MYO1H: variants seen among roughly 807,000 people sequenced by gnomAD.
MYO1H encodes the protein unconventional myosin-Ih.
Under a neutral mutation model 149.3 loss-of-function variants are expected in MYO1H, and 118 were observed. That is an observed-to-expected ratio of 0.79 (90% confidence interval 0.68 to 0.92). The LOEUF (loss-of-function observed/expected upper bound fraction) is 0.92. Ranked by LOEUF, MYO1H falls within the 40% of genes least tolerant of loss-of-function variation. The probability of loss-of-function intolerance (pLI) is 0.00; values close to 1 mark genes in which losing one functional copy is unlikely to be tolerated. For synonymous variants in MYO1H, 447 were observed against 465.2 expected (o/e 0.96, Z 0.50); for missense variants, 1,212 against 1,280.7 (o/e 0.95, Z 0.82).
At position 109,350,352 on chromosome 12, in the gene MYO1H, G is replaced by A. The variant is rs11066361; in HGVS notation, c.12+2380G>A. On this transcript the variant is annotated intron_variant, in intron 1 of 31. Coordinates refer to ENST00000310903, the Ensembl canonical transcript of MYO1H. ...TTCCCTCGTGTTGTGGGAGGGACCC[G>A]GTGGGAGATTATCGAATCATGGGGG... is the stretch of plus-strand genomic sequence containing the variant. 7.0e-3 allele frequency among the ~76,000 whole-genome samples: 1,068 copies of A among 152,222 alleles called. 12 individuals carry two copies. The highest frequency in any genetic ancestry group is 0.011 in the Non-Finnish European group (779 of 68,014).
At chr12:109,377,839 T>C (rs904164098) in intron 1 of MYO1H, among the ~76,000 whole-genome samples, 1 of 152,230 alleles carries the variant, frequency 6.6e-6, no homozygotes, top group African/African-American at 2.4e-5. Context: ...ATGAATCTCC[T>C]AGTAACTCTC....
At chr12:109,349,822 G>A (rs1471680495) in intron 1 of MYO1H, among the ~76,000 whole-genome samples, 5 of 151,398 alleles carry the variant, frequency 3.3e-5, no homozygotes, top group East Asian at 1.9e-4. Context: ...TTAGCCGGGC[G>A]TGGTAGGGGG....
chr12:109,440,296 A>G (rs1206709058), intron 24 of MYO1H, among the ~76,000 whole-genome samples: 1 of 152,178 alleles, frequency 6.6e-6, no homozygotes, highest in Non-Finnish European at 1.5e-5. Flanking sequence ...TCAGCCTCCC[A>G]AAGTGCTGGG....
At chr12:109,319,455 T>C in the MYO1H span, among the ~76,000 whole-genome samples, 7 of 152,254 alleles carry the variant, frequency 4.6e-5, no homozygotes, top group Middle Eastern at 3.4e-3. Flanking sequence ...TTAATAGATA[T>C]AGAGTTTCTG....
intron 7 of MYO1H, 134 bp downstream of exon 7, chr12:109,404,214 A>C: frequency 1.5e-6 from 1 of 679,024 alleles, no homozygotes; most frequent in Non-Finnish European, 2.5e-6. Flanking sequence ...GTGGTGGCGC[A>C]CACCTGTAAT....
Position 109,396,365 on chromosome 12 carries a change from C to T in MYO1H, c.291-19C>T, listed in dbSNP as rs191942745. ...AGTACCATTAAAACGAATTTGTTTC[C>T]GTCTCACTCCTCCTCCAGCTACGCT... On this transcript the variant is annotated intron_variant, in intron 3 of 31. Coordinates refer to ENST00000310903, the Ensembl canonical transcript of MYO1H. The T allele has an allele frequency of 1.0e-4, 162 of 1,576,800 alleles. No homozygotes were observed. In the African/African-American group the frequency reaches 1.2e-3, roughly 12 times the overall value.
chr12:109,443,686 T>C (rs1566045737), intron 28 of MYO1H, 37 bp downstream of exon 28: 2 of 1,609,354 alleles, frequency 1.2e-6, no homozygotes, highest in East Asian at 2.2e-5. Context: ...ATGCACTGAG[T>C]TGACTCAACT....
intron 7 of MYO1H, among the ~76,000 whole-genome samples, chr12:109,404,840 C>A (rs1870308196): frequency 7.3e-6 from 1 of 137,704 alleles, no homozygotes; most frequent in Non-Finnish European, 1.6e-5. Flanking sequence ...GTTTTTACAT[C>A]TTTTTGTCTT....
chr12:109,405,522 A>G (rs950947851), intron 7 of MYO1H, among the ~76,000 whole-genome samples: 1 of 152,030 alleles, frequency 6.6e-6, no homozygotes, highest in East Asian at 1.9e-4. Context: ...TGTTGGCCAG[A>G]TGGTCTCGAT....
the MYO1H span, among the ~76,000 whole-genome samples, chr12:109,329,351 A>G: frequency 6.6e-6 from 1 of 152,274 alleles, no homozygotes; most frequent in South Asian, 2.1e-4. Context: ...TGGAAAGCCT[A>G]AAATATTTCC....
intron 15 of MYO1H, among the ~76,000 whole-genome samples, chr12:109,416,379 G>GTTTT (rs397968119): frequency 1.6e-4 from 23 of 143,140 alleles, no homozygotes; most frequent in African/African-American, 6.0e-4. Flanking sequence ...GTTGTTGTTG[G>GTTTT]TTTTTTTTTT....
chr12:109,383,843 C>T (rs1869252628), intron 1 of MYO1H, among the ~76,000 whole-genome samples: 1 of 152,200 alleles, frequency 6.6e-6, no homozygotes, highest in Non-Finnish European at 1.5e-5. Flanking sequence ...CACCCCGACT[C>T]CACATACTGG....
At chr12:109,381,185 T>C (rs7307504) in intron 1 of MYO1H, among the ~76,000 whole-genome samples, 37,740 of 151,792 alleles carry the variant, frequency 0.25, 5,578 homozygotes, top group East Asian at 0.39. Context: ...AGGTTGAAAA[T>C]AAATAAGCTT....
chr12:109,354,618 T>TTAA (rs558745249), intron 1 of MYO1H, among the ~76,000 whole-genome samples: 2 of 119,416 alleles, frequency 1.7e-5, no homozygotes, highest in Admixed American at 1.8e-4. Context: ...AGACTCTGTC[T>TTAA]AAAAAAAAAA....
upstream of MYO1H, among the ~76,000 whole-genome samples, chr12:109,346,226 A>G (rs182496306): frequency 6.6e-6 from 1 of 152,334 alleles, no homozygotes; most frequent in Non-Finnish European, 1.5e-5. Context: ...ACTAGGTATT[A>G]TAAGTAATCT....
At chr12:109,324,794 G>A in the MYO1H span, among the ~76,000 whole-genome samples, 1 of 151,698 alleles carries the variant, frequency 6.6e-6, no homozygotes, top group Admixed American at 6.6e-5. Flanking sequence ...ATGGTGGTTT[G>A]CTGCACCATC....
chr12:109,371,165 A>G (rs920388346), intron 1 of MYO1H, among the ~76,000 whole-genome samples: 1 of 149,104 alleles, frequency 6.7e-6, no homozygotes, highest in Non-Finnish European at 1.5e-5. Context: ...TTGTGACTTT[A>G]TAAGCATCTA....
upstream of MYO1H, among the ~76,000 whole-genome samples, chr12:109,347,229 G>A (rs2048105908): frequency 6.6e-6 from 1 of 152,156 alleles, no homozygotes; most frequent in African/African-American, 2.4e-5. Flanking sequence ...TGGGTGATGG[G>A]TGGGGTTGTC....
chr12:109,419,159 A>G (rs1871058346), intron 15 of MYO1H, among the ~76,000 whole-genome samples: 1 of 151,512 alleles, frequency 6.6e-6, no homozygotes, highest in Admixed American at 6.6e-5. Flanking sequence ...GAAAATAGAA[A>G]TGTTTTCTGC....
Sources: gnomAD v4.1 joint callset for allele counts (sites outside exome capture counted in the v4.1 genomes callset) on GRCh38, gnomAD v4.1.1 for gene constraint, MANE v1.5 for transcripts, NCBI Gene and HGNC (gene_info 2026-07-23, HGNC 2026-07-21) for gene names.